Variants in WNT2 observed in about 807,000 individuals in gnomAD.
WNT2 encodes the protein Wnt family member 2.
WNT2 carries 12 observed loss-of-function variants against 36.9 expected under a neutral mutation model. The observed-to-expected ratio is 0.33, with a 90% CI of 0.21 to 0.53. WNT2 has a LOEUF of 0.53. Among genes scored for constraint, WNT2 ranks in the 20% least tolerant of loss-of-function variants. The pLI is 0.95. For missense variants in WNT2, 379 were observed against 473.1 expected (o/e 0.80, Z 1.84); for synonymous variants, 163 against 174.6 (o/e 0.93, Z 0.52).
In WNT2 at chr7:117,320,804, C is replaced by A. The variant is rs1241180020; in HGVS notation, c.84-11G>T. The A allele has an allele frequency of 7.5e-6, 12 of 1,600,668 alleles. No individual in the cohort carries two copies. The highest frequency in any genetic ancestry group is 1.0e-5 in the Non-Finnish European group (12 of 1,175,300). Reference sequence around the variant, plus strand: ...GTAGCTCTCATGTACCTATAAGGGACCAACCAACACAGAGGTGAGGGCAAC... The same window carrying A: ...GTAGCTCTCATGTACCTATAAGGGAACAACCAACACAGAGGTGAGGGCAAC... On this transcript the variant is annotated splice_polypyrimidine_tract_variant and intron_variant, in intron 1 of 4. Coordinates refer to ENST00000265441, the MANE Select transcript of WNT2 (RefSeq NM_003391.3).
In WNT2 at chr7:117,320,498, T is replaced by C. The variant is rs867162717; in HGVS notation, c.310+69A>G. Reference sequence around the variant, plus strand: ...ATGCAATAGAAGATAAGCAGGGTCTTTGAAGATGGAGTGAGGGAGCTGTGC... The same window carrying C: ...ATGCAATAGAAGATAAGCAGGGTCTCTGAAGATGGAGTGAGGGAGCTGTGC... On this transcript the variant is annotated intron_variant, in intron 2 of 4. Transcript: ENST00000265441. 16 of 1,442,052 alleles carry C rather than the reference T, an allele frequency of 1.1e-5. 1 individual carries two copies. Among genetic ancestry groups the C allele is most frequent in the Middle Eastern group, 3.4e-4 (2 of 5,802 alleles). 89.3% of individuals were successfully genotyped at this position (1,442,052 alleles called of 1,614,324 possible).
chr7:117,309,665 T>G (rs1215418693), intron 3 of WNT2, among the ~76,000 whole-genome samples: 1 of 152,192 alleles, frequency 6.6e-6, no homozygotes, highest in Non-Finnish European at 1.5e-5. Context: ...GTTTGGTAAC[T>G]TATGCAAGGT....
chr7:117,316,707 T>G (rs545558607), intron 2 of WNT2, among the ~76,000 whole-genome samples: 2 of 152,304 alleles, frequency 1.3e-5, no homozygotes, highest in African/African-American at 4.8e-5. Flanking sequence ...TCAGAAAATA[T>G]TTACCCCCCA....
intron 4 of WNT2, among the ~76,000 whole-genome samples, chr7:117,282,665 T>C (rs1794511413): frequency 6.6e-6 from 1 of 152,020 alleles, no homozygotes; most frequent in African/African-American, 2.4e-5. Context: ...GAAGCTGCAC[T>C]GGGAATGGTC....
chr7:117,281,891 A>G (rs139397650), intron 4 of WNT2, among the ~76,000 whole-genome samples: 1 of 152,118 alleles, frequency 6.6e-6, no homozygotes, highest in African/African-American at 2.4e-5. Context: ...GACATAGATG[A>G]ATGTGGTGGA....
At chr7:117,286,490 C>A (rs1046958242) in intron 4 of WNT2, among the ~76,000 whole-genome samples, 6 of 152,052 alleles carry the variant, frequency 3.9e-5, no homozygotes, top group African/African-American at 1.5e-4. Context: ...CTTCTCCCCC[C>A]ATCCCCTCTC....
rs780410381 is a variant in WNT2 at position 117,322,960 on chromosome 7, G to C, written c.30C>G (p.Leu10=). The change falls in exon 1 of 5, where the codon CTC becomes CTG. Residue 10 remains leucine, a synonymous_variant. Transcript: ENST00000265441. The surrounding 1 kb of genome is among the most constrained non-coding windows in gnomAD (Gnocchi z 5.4). MNAPLGGIW[L]WLPLLLTWLT... ...GCCAGGTCAAGAGCAGAGGGAGCCA[G>C]AGCCAGATTCCACCGAGAGGGGCGT... The C allele has an allele frequency of 6.2e-7, 1 of 1,613,672 alleles. No individual in the cohort carries two copies.
chr7:117,309,053 C>A (rs117006097), intron 3 of WNT2, among the ~76,000 whole-genome samples: 3,675 of 151,360 alleles, frequency 0.024, 177 homozygotes, highest in South Asian at 0.23. Context: ...ATTAGTTGAG[C>A]ACAGTGGCAT....
intron 4 of WNT2, among the ~76,000 whole-genome samples, chr7:117,297,227 GTTTCT>G (rs777342330): frequency 2.0e-5 from 3 of 152,154 alleles, no homozygotes; most frequent in Admixed American, 6.5e-5. Context: ...TCTCTGTGCA[GTTTCT>G]TTTCTTTTCT....
intron 2 of WNT2, among the ~76,000 whole-genome samples, chr7:117,316,866 A>G (rs955381840): frequency 2.0e-5 from 3 of 152,232 alleles, no homozygotes; most frequent in Non-Finnish European, 2.9e-5. Flanking sequence ...AGCTTATACT[A>G]TATAGACCAC....
intron 2 of WNT2, among the ~76,000 whole-genome samples, chr7:117,319,972 G>C (rs1022864375): frequency 6.6e-6 from 1 of 152,142 alleles, no homozygotes; most frequent in Non-Finnish European, 1.5e-5. Context: ...CAAGGTGCAG[G>C]GAATATAGGT....
chr7:117,307,334 T>A (rs2116373809), intron 3 of WNT2, among the ~76,000 whole-genome samples: 1 of 152,322 alleles, frequency 6.6e-6, no homozygotes, highest in South Asian at 2.1e-4. Flanking sequence ...ATACTATTAT[T>A]ATCCCATTTT....
intron 1 of WNT2, chr7:117,321,950 C>T (rs1024566347): frequency 2.6e-5 from 4 of 152,204 alleles, no homozygotes; most frequent in African/African-American, 9.7e-5. Context: ...AATTTCCCTG[C>T]TCTAGTCTGT....
intron 3 of WNT2, among the ~76,000 whole-genome samples, chr7:117,305,896 C>A (rs1393533494): frequency 2.0e-5 from 3 of 152,198 alleles, no homozygotes. Context: ...AAATGACCGA[C>A]TTCCGCGGAG....
chr7:117,320,686 G>A lies in WNT2; in HGVS notation c.191C>T (p.Ala64Val), dbSNP rs778097869. Reference protein sequence around the residue: ...LCHRHPDVMRAISQGVAEWTA... With the variant: ...LCHRHPDVMRVISQGVAEWTA... ...CCACTCGGCCACGCCCTGGCTAATG[G>A]CACGCATCACATCTGGATGTCGGTG... Residue 64 changes from alanine (A) to valine (V), a missense_variant, in exon 2 of 5, where the codon GCC becomes GTC. By Grantham distance (64) the Ala-to-Val change is moderately conservative (BLOSUM62 0). Coordinates refer to ENST00000265441, the MANE Select transcript of WNT2 (RefSeq NM_003391.3). 6 of 1,613,984 alleles carry A rather than the reference G, an allele frequency of 3.7e-6. No homozygotes were observed. In the South Asian group the frequency reaches 6.6e-5, roughly 18 times the overall value.
intron 4 of WNT2, among the ~76,000 whole-genome samples, chr7:117,293,422 A>T (rs1324259334): frequency 6.6e-6 from 1 of 152,112 alleles, no homozygotes; most frequent in African/African-American, 2.4e-5. Flanking sequence ...GAAGGCGCCC[A>T]CTAAGTTGAA....
At chr7:117,282,197 T>C (rs2116326224) in intron 4 of WNT2, among the ~76,000 whole-genome samples, 1 of 152,312 alleles carries the variant, frequency 6.6e-6, no homozygotes, top group African/African-American at 2.4e-5. Flanking sequence ...GAGACATGCC[T>C]CTGGAATACT....
At chr7:117,320,962 G>A (rs1415581200) in intron 1 of WNT2, among the ~76,000 whole-genome samples, 169 bp from the exon 2 acceptor site, 1 of 152,194 alleles carries the variant, frequency 6.6e-6, no homozygotes, top group Non-Finnish European at 1.5e-5. Context: ...TGGAGAAACC[G>A]GCAAGGCAGG....
intron 4 of WNT2, among the ~76,000 whole-genome samples, chr7:117,296,430 T>A (rs904138351): frequency 6.6e-6 from 1 of 152,156 alleles, no homozygotes; most frequent in East Asian, 1.9e-4. Context: ...TCTTGGTCAA[T>A]CTAACTGACA....
Sources: allele counts gnomAD v4.1 joint callset (sites outside exome capture counted in the v4.1 genomes callset), GRCh38; gene constraint gnomAD v4.1.1; non-coding constraint Gnocchi (gnomAD v3.1); transcripts MANE v1.5; gene names NCBI Gene and HGNC (gene_info 2026-07-23, HGNC 2026-07-21).